CCDC102B: variants seen among roughly 807,000 people sequenced by gnomAD.
CCDC102B encodes coiled-coil domain containing 102B.
In CCDC102B, 75 loss-of-function variants were observed where a neutral mutation model predicts 57.4. That is an observed-to-expected ratio of 1.31 (90% confidence interval 1.08 to 1.58). The LOEUF is 1.58. Among genes scored for constraint, CCDC102B ranks in the 40% most tolerant of loss-of-function variants. CCDC102B has a pLI of 0.00. For missense variants in CCDC102B, 636 were observed against 582.6 expected (o/e 1.09, Z -0.94); for synonymous variants, 206 against 201.9 (o/e 1.02, Z -0.17).
chr18:68,843,565 T>C (rs118089196), intron 3 of CCDC102B, among the ~76,000 whole-genome samples: 6,685 of 152,174 alleles, frequency 0.044, 194 homozygotes, highest in Middle Eastern at 0.054. Flanking sequence ...ATAATTTTGG[T>C]TCACATTTTC....
chr18:68,796,747 G>T (rs2035642197), upstream of CCDC102B, among the ~76,000 whole-genome samples: 1 of 151,982 alleles, frequency 6.6e-6, no homozygotes, highest in Admixed American at 6.6e-5. Context: ...CATGTGGGCA[G>T]GGTTGTGAAC....
At chr18:68,716,956 T>C (rs2145176176) in intron 2 of CCDC102B, among the ~76,000 whole-genome samples, 1 of 152,052 alleles carries the variant, frequency 6.6e-6, no homozygotes, top group South Asian at 2.1e-4. Flanking sequence ...CAGACACCTG[T>C]GGTCCCAGCT....
chr18:68,792,260 A>C lies in CCDC102B; in HGVS notation c.-66-31106A>C, dbSNP rs901631090. On this transcript the variant is annotated intron_variant, in intron 2 of 3. Coordinates refer to the CCDC102B transcript ENST00000578970. Reference sequence around the variant, plus strand: ...CTTAATAATTAGATATTCCCAAGCAAATGTTCTAAAATTTTCAGTCTCACA... The same window carrying C: ...CTTAATAATTAGATATTCCCAAGCACATGTTCTAAAATTTTCAGTCTCACA... Among the ~76,000 whole-genome samples, 4 of 152,186 alleles carry C rather than the reference A, an allele frequency of 2.6e-5. No homozygotes were observed. The South Asian group carries it at 6.2e-4, about 24-fold the overall frequency.
At chr18:68,875,528 G>A (rs572797171) in intron 5 of CCDC102B, among the ~76,000 whole-genome samples, 1 of 152,112 alleles carries the variant, frequency 6.6e-6, no homozygotes, top group Non-Finnish European at 1.5e-5. Context: ...TGCAACTGTA[G>A]GCTGGTAGAA....
chr18:68,922,952 C>T (rs2145114583), intron 6 of CCDC102B, among the ~76,000 whole-genome samples: 1 of 152,142 alleles, frequency 6.6e-6, no homozygotes, highest in Non-Finnish European at 1.5e-5. Context: ...TAGTGACTTG[C>T]TCAAGTCTGA....
At chr18:69,003,577 T>G (rs528825448) in intron 6 of CCDC102B, among the ~76,000 whole-genome samples, 1 of 152,228 alleles carries the variant, frequency 6.6e-6, no homozygotes, top group East Asian at 1.9e-4. Context: ...GCTGAGTTGC[T>G]TGGTCTACTC....
chr18:68,998,993 TATATATAGAGAGAGAGAG>T (rs1330080971), intron 6 of CCDC102B, among the ~76,000 whole-genome samples: 488 of 54,588 alleles, frequency 8.9e-3, no homozygotes, highest in African/African-American at 0.012. Context: ...TATATATATA[TATATATAGAGAGAGAGAG>T]AGAGAGAGAG....
chr18:68,889,221 C>T (rs1372227250), intron 5 of CCDC102B, among the ~76,000 whole-genome samples: 1 of 152,060 alleles, frequency 6.6e-6, no homozygotes, highest in Non-Finnish European at 1.5e-5. Flanking sequence ...GATTAGGTCA[C>T]GAGAGCAGAG....
intron 7 of CCDC102B, among the ~76,000 whole-genome samples, chr18:69,035,586 T>C (rs540681963): frequency 6.6e-6 from 1 of 152,224 alleles, no homozygotes; most frequent in East Asian, 1.9e-4. Context: ...ACAAATGCTA[T>C]ATACATAGCA....
intron 6 of CCDC102B, among the ~76,000 whole-genome samples, chr18:68,982,944 G>A (rs1258649032): frequency 6.6e-6 from 1 of 151,780 alleles, no homozygotes; most frequent in Non-Finnish European, 1.5e-5. Flanking sequence ...ATTCTGTGAA[G>A]AGAAAATTTT....
intron 7 of CCDC102B, among the ~76,000 whole-genome samples, chr18:69,040,358 T>C (rs2052400621): frequency 6.6e-6 from 1 of 151,568 alleles, no homozygotes; most frequent in African/African-American, 2.4e-5. Context: ...ACAAATTATA[T>C]CTATGTAGAT....
chr18:68,813,212 C>T (rs2036339254), intron 1 of CCDC102B, among the ~76,000 whole-genome samples: 2 of 152,000 alleles, frequency 1.3e-5, no homozygotes, highest in South Asian at 4.1e-4. Context: ...TGTCTCTCTC[C>T]TGTTTCGCCA....
intron 6 of CCDC102B, among the ~76,000 whole-genome samples, chr18:68,945,091 C>CCT (rs371719403): frequency 0.88 from 125,796 of 143,082 alleles, 55,201 homozygotes; most frequent in East Asian, 0.94. Context: ...TCTCTCTCTG[C>CCT]CTCTCTCTCT....
chr18:68,871,193 A>G, intron 4 of CCDC102B, among the ~76,000 whole-genome samples: 1 of 152,194 alleles, frequency 6.6e-6, no homozygotes, highest in Non-Finnish European at 1.5e-5. Flanking sequence ...GGAAAAAAAG[A>G]AGGCTTACCA....
intron 2 of CCDC102B, among the ~76,000 whole-genome samples, chr18:68,765,365 G>GAAAGAAAGA: frequency 8.4e-6 from 1 of 118,776 alleles, no homozygotes; most frequent in Non-Finnish European, 1.8e-5. Flanking sequence ...AAGAAAGAAA[G>GAAAGAAAGA]AAAGAAAGAA....
At chr18:68,960,203 A>G (rs893823727) in intron 6 of CCDC102B, among the ~76,000 whole-genome samples, 1 of 152,162 alleles carries the variant, frequency 6.6e-6, no homozygotes, top group Non-Finnish European at 1.5e-5. Context: ...TTTAGTCAGC[A>G]TGCAATGAAA....
At chr18:68,747,737 T>C (rs1386056989) in intron 2 of CCDC102B, among the ~76,000 whole-genome samples, 3 of 152,204 alleles carry the variant, frequency 2.0e-5, no homozygotes, top group African/African-American at 7.2e-5. Context: ...TACATCATTA[T>C]ATGTATATAT....
At chr18:69,037,028 T>TACAC (rs3059238) in intron 7 of CCDC102B, among the ~76,000 whole-genome samples, 36 of 150,050 alleles carry the variant, frequency 2.4e-4, no homozygotes, top group African/African-American at 7.8e-4. Flanking sequence ...GGTGTATATA[T>TACAC]ACACACACAC....
chr18:68,827,586 A>T (rs1050795510), intron 1 of CCDC102B, among the ~76,000 whole-genome samples: 16 of 152,072 alleles, frequency 1.1e-4, no homozygotes, highest in African/African-American at 3.9e-4. Flanking sequence ...AAATGCAGGG[A>T]CGAGAAAGAG....
Sources: allele counts gnomAD v4.1 joint callset (sites outside exome capture counted in the v4.1 genomes callset), GRCh38; gene constraint gnomAD v4.1.1; transcripts MANE v1.5; gene names NCBI Gene and HGNC (gene_info 2026-07-23, HGNC 2026-07-21).